The following SPON1 variants were observed in gnomAD, a reference collection of about 807,000 sequenced individuals.
SPON1 encodes spondin-1.
A neutral mutation model predicts 111.7 loss-of-function variants in SPON1; 52 were observed. That is an observed-to-expected ratio of 0.47 (90% CI 0.37 to 0.59). The LOEUF (loss-of-function observed/expected upper bound fraction) is 0.59. Ranked by LOEUF, SPON1 falls within the 20% of genes least tolerant of loss-of-function variation. SPON1 has a pLI of 0.00. For missense variants in SPON1, 957 were observed against 1,068.5 expected, an observed-to-expected ratio of 0.90 and a Z score of 1.46; for synonymous variants, 410 against 395.8, an observed-to-expected ratio of 1.04 and a Z score of -0.43.
chr11:14,081,427 C>A (rs1298648960), intron 5 of SPON1, among the ~76,000 whole-genome samples: 1 of 152,102 alleles, frequency 6.6e-6, no homozygotes, highest in East Asian at 1.9e-4. Context: ...AGTGTTTAAT[C>A]CTCAAAGTAA....
intron 6 of SPON1, among the ~76,000 whole-genome samples, chr11:14,212,213 T>C (rs1848584148): frequency 1.3e-5 from 2 of 152,146 alleles, no homozygotes; most frequent in African/African-American, 2.4e-5. Flanking sequence ...TGTGCTTTGA[T>C]GCAGTCAGCA....
intron 3 of SPON1, among the ~76,000 whole-genome samples, chr11:14,052,012 C>T (rs1298478545): frequency 6.6e-6 from 1 of 152,228 alleles, no homozygotes; most frequent in Non-Finnish European, 1.5e-5. Flanking sequence ...CTAATCACCA[C>T]TAAGCTACAC....
intron 2 of SPON1, among the ~76,000 whole-genome samples, chr11:14,018,319 G>A (rs1848457528): frequency 1.3e-5 from 2 of 152,182 alleles, no homozygotes; most frequent in South Asian, 4.1e-4. Flanking sequence ...TAACTATCAA[G>A]CCTGAGATCT....
chr11:14,231,110 G>A (rs1300822130), intron 6 of SPON1, among the ~76,000 whole-genome samples: 1 of 151,430 alleles, frequency 6.6e-6, no homozygotes, highest in Non-Finnish European at 1.5e-5. Flanking sequence ...ACTGTGCCCA[G>A]CCGCCACTTT....
intron 1 of SPON1, among the ~76,000 whole-genome samples, chr11:13,974,615 C>T (rs1481122683): frequency 6.6e-6 from 1 of 152,104 alleles, no homozygotes. Flanking sequence ...AGGCCAGGCT[C>T]TAGTGTGAAA....
chr11:13,970,307 G>A (rs572912732), intron 1 of SPON1, among the ~76,000 whole-genome samples: 12 of 152,248 alleles, frequency 7.9e-5, no homozygotes, highest in Non-Finnish European at 1.5e-4. Flanking sequence ...TCTACCTTTC[G>A]CAGAATATTC....
At chr11:14,114,922 ACT>A (rs1194262316) in intron 5 of SPON1, among the ~76,000 whole-genome samples, 3 of 152,074 alleles carry the variant, frequency 2.0e-5, no homozygotes, top group East Asian at 3.9e-4. Flanking sequence ...GGTGGACCAA[ACT>A]CTCTCTTTAC....
chr11:14,226,729 T>C (rs1848743590), intron 6 of SPON1, among the ~76,000 whole-genome samples: 1 of 152,200 alleles, frequency 6.6e-6, no homozygotes, highest in Non-Finnish European at 1.5e-5. Context: ...TGTAACAAAT[T>C]ACCCACAAAT....
intron 3 of SPON1, among the ~76,000 whole-genome samples, chr11:14,059,298 G>A (rs1332905068): frequency 1.3e-5 from 2 of 152,184 alleles, no homozygotes; most frequent in South Asian, 2.1e-4. Flanking sequence ...GGGAAAGGCT[G>A]TGCCCAGCAA....
At chr11:14,024,966 T>C (rs1393880370) in intron 2 of SPON1, among the ~76,000 whole-genome samples, 2 of 152,172 alleles carry the variant, frequency 1.3e-5, no homozygotes. Context: ...GAATTCCTCA[T>C]TTTAGGAAAC....
intron 6 of SPON1, among the ~76,000 whole-genome samples, chr11:14,143,813 G>C (rs1554929040): frequency 6.6e-6 from 1 of 152,132 alleles, no homozygotes; most frequent in Admixed American, 6.5e-5. Flanking sequence ...CAAAATGCTG[G>C]GTCTAGAGTT....
intron 6 of SPON1, among the ~76,000 whole-genome samples, chr11:14,150,776 A>G (rs1554929855): frequency 6.6e-6 from 1 of 152,190 alleles, no homozygotes. Context: ...AGTGCAACTA[A>G]GGCTAGGAAA....
chr11:14,192,316 G>C (rs1848354950), intron 6 of SPON1, among the ~76,000 whole-genome samples: 1 of 151,922 alleles, frequency 6.6e-6, no homozygotes, highest in African/African-American at 2.4e-5. Context: ...CACTCTGCTA[G>C]GGTATGTCTG....
intron 5 of SPON1, among the ~76,000 whole-genome samples, chr11:14,112,566 G>T (rs186085475): frequency 6.6e-6 from 1 of 152,186 alleles, no homozygotes; most frequent in African/African-American, 2.4e-5. Flanking sequence ...TATGTAAAGC[G>T]CTCAGAAGAG....
At chr11:13,965,334 G>C (rs1309124308) in intron 1 of SPON1, among the ~76,000 whole-genome samples, 1 of 152,178 alleles carries the variant, frequency 6.6e-6, no homozygotes, top group Non-Finnish European at 1.5e-5. Flanking sequence ...CAGTGACTTA[G>C]ACTAGTCTGA....
At chr11:14,045,714 T>C (rs1309760182) in intron 3 of SPON1, among the ~76,000 whole-genome samples, 2 of 150,570 alleles carry the variant, frequency 1.3e-5, no homozygotes, top group Non-Finnish European at 3.0e-5. Flanking sequence ...TAAAATAATT[T>C]GATTTATTTA....
chr11:14,215,706 G>T (rs1017058783), intron 6 of SPON1, among the ~76,000 whole-genome samples: 1 of 152,182 alleles, frequency 6.6e-6, no homozygotes, highest in African/African-American at 2.4e-5. Flanking sequence ...TCACATGTAG[G>T]TTATAAGTTA....
At chr11:14,146,143 T>C (rs1456190203) in intron 6 of SPON1, among the ~76,000 whole-genome samples, 2 of 141,318 alleles carry the variant, frequency 1.4e-5, no homozygotes, top group Non-Finnish European at 3.1e-5. Flanking sequence ...GAACACAAAT[T>C]ACTATACTTT....
intron 6 of SPON1, among the ~76,000 whole-genome samples, chr11:14,200,036 C>G (rs1021050525): frequency 4.8e-4 from 73 of 152,280 alleles, no homozygotes; most frequent in African/African-American, 1.6e-3. Flanking sequence ...TACTTTCCCC[C>G]CACCCCTCAT....
Sources: gnomAD v4.1 joint callset for allele counts (sites outside exome capture counted in the v4.1 genomes callset) on GRCh38, gnomAD v4.1.1 for gene constraint, MANE v1.5 for transcripts, NCBI Gene and HGNC (gene_info 2026-07-23, HGNC 2026-07-21) for gene names.